The following PMFBP1 variants were observed in gnomAD, a reference collection of about 807,000 sequenced individuals.
PMFBP1 encodes the protein polyamine-modulated factor 1-binding protein 1.
In PMFBP1, 131 loss-of-function variants were observed where a neutral mutation model predicts 137.8. That is an observed-to-expected ratio of 0.95 (90% CI 0.82 to 1.10). The LOEUF (loss-of-function observed/expected upper bound fraction) is 1.10, where lower values mean the gene tolerates loss of function less well. Among genes scored for constraint, PMFBP1 ranks in the 50% least tolerant of loss-of-function variants. PMFBP1 has a pLI of 0.00. For synonymous variants in PMFBP1, 490 were observed against 450.4 expected (o/e 1.09, Z -1.11); for missense variants, 1,199 against 1,175.4 (o/e 1.02, Z -0.29).
Position 72,132,975 on chromosome 16 carries a change from T to A in PMFBP1, c.1220A>T (p.Asp407Val). ...CTTCTCCAGCTCTTGCAGCATCTCA[T>A]CTTTCTCTTGGAGGAACTGAAGACA... ...LKKDKFLQEK[D>V]EMLQELEKKL... The change falls in exon 10 of 21, where the codon GAT (aspartate) becomes GTT (valine). Residue 407 changes from aspartate (D) to valine (V), a missense_variant. Coordinates refer to ENST00000237353, the MANE Select transcript of PMFBP1 (RefSeq NM_031293.3). The A allele has an allele frequency of 6.2e-7, 1 of 1,614,100 alleles. No individual in the cohort carries two copies. Among genetic ancestry groups the A allele is most frequent in the Admixed American group, 1.7e-5 (1 of 60,012 alleles).
chr16:72,244,999 A>G, the PMFBP1 span, among the ~76,000 whole-genome samples: 1 of 152,122 alleles, frequency 6.6e-6, no homozygotes, highest in East Asian at 1.9e-4. Context: ...GAGTCGGGCA[A>G]CTGACTTGGG....
chr16:72,212,113 G>A, the PMFBP1 span, among the ~76,000 whole-genome samples: 1 of 151,748 alleles, frequency 6.6e-6, no homozygotes, highest in African/African-American at 2.4e-5. Flanking sequence ...GCAAACAAGT[G>A]AGAAAGCAGG....
At chr16:72,129,511 C>T (rs928478296) in intron 12 of PMFBP1, among the ~76,000 whole-genome samples, 3 of 152,090 alleles carry the variant, frequency 2.0e-5, no homozygotes, top group African/African-American at 7.2e-5. Context: ...AGGAAGATTC[C>T]AAATCTTTAT....
At chr16:72,130,008 T>G (rs554396300) in intron 12 of PMFBP1, among the ~76,000 whole-genome samples, 1 of 150,236 alleles carries the variant, frequency 6.7e-6, no homozygotes, top group Non-Finnish European at 1.5e-5. Flanking sequence ...CATTATGCCC[T>G]GATAATGTTT....
chr16:72,227,493 C>T, the PMFBP1 span, among the ~76,000 whole-genome samples: 1 of 151,964 alleles, frequency 6.6e-6, no homozygotes, highest in East Asian at 1.9e-4. Flanking sequence ...AACATTTTAG[C>T]ATGATTAATA....
the PMFBP1 span, among the ~76,000 whole-genome samples, chr16:72,216,362 G>A: frequency 6.6e-6 from 1 of 152,162 alleles, no homozygotes; most frequent in South Asian, 2.1e-4. Flanking sequence ...TACAGAAATG[G>A]AAGTGAAACA....
the PMFBP1 span, among the ~76,000 whole-genome samples, chr16:72,185,910 T>A: frequency 3.9e-5 from 6 of 152,154 alleles, no homozygotes; most frequent in African/African-American, 1.4e-4. Context: ...GGTGACAGAA[T>A]CAGAAGTAAG....
At chr16:72,237,878 A>G in the PMFBP1 span, among the ~76,000 whole-genome samples, 3 of 152,160 alleles carry the variant, frequency 2.0e-5, no homozygotes, top group African/African-American at 4.8e-5. Flanking sequence ...GATCCCACTT[A>G]TAAGTGAGAA....
At chr16:72,222,531 G>A in the PMFBP1 span, among the ~76,000 whole-genome samples, 1 of 152,184 alleles carries the variant, frequency 6.6e-6, no homozygotes, top group African/African-American at 2.4e-5. Context: ...CACTGCAAAT[G>A]TGAGGGTCAC....
upstream of PMFBP1, among the ~76,000 whole-genome samples, chr16:72,175,564 A>G (rs999603814): frequency 6.6e-6 from 1 of 152,176 alleles, no homozygotes; most frequent in Non-Finnish European, 1.5e-5. Flanking sequence ...CTTTTCCTTC[A>G]TGGCCTGGAT....
intron 14 of PMFBP1, among the ~76,000 whole-genome samples, chr16:72,126,463 T>C (rs1229281134): frequency 6.6e-6 from 1 of 152,230 alleles, no homozygotes; most frequent in African/African-American, 2.4e-5. Flanking sequence ...GGAATCCGAT[T>C]TGAGGTTAGT....
intron 3 of PMFBP1, among the ~76,000 whole-genome samples, chr16:72,164,081 G>T (rs970117143): frequency 2.0e-5 from 3 of 151,954 alleles, no homozygotes; most frequent in Non-Finnish European, 4.4e-5. Context: ...AAAAAAAAAG[G>T]TGTGTCATCA....
chr16:72,118,134 T>C (rs1388557551), downstream of PMFBP1, among the ~76,000 whole-genome samples: 1 of 152,246 alleles, frequency 6.6e-6, no homozygotes, highest in Non-Finnish European at 1.5e-5. Context: ...ATAAAATCCC[T>C]TTTTAGTAGA....
the PMFBP1 span, chr16:72,225,266 C>CCAAATGATGCA: frequency 6.6e-6 from 1 of 152,210 alleles, no homozygotes; most frequent in Non-Finnish European, 1.5e-5. Context: ...TCCCCACACC[C>CCAAATGATGCA]CAAATGATGC....
rs780496838 is a variant in PMFBP1, at chr16:72,128,930, C to T, written c.1950+136G>A. The T allele has an allele frequency of 9.1e-5, 137 of 1,504,808 alleles. 1 individual carries two copies. Among genetic ancestry groups the T allele is most frequent in the Non-Finnish European group, 9.5e-5 (106 of 1,113,336 alleles). 93.2% of individuals were successfully genotyped at this position (1,504,808 alleles called of 1,614,324 possible). A position where few individuals can be genotyped will look rare whatever the true frequency, so the allele number is the denominator to read the frequency against. On this transcript the variant is annotated intron_variant, in intron 13 of 20. Coordinates refer to ENST00000237353, the MANE Select transcript of PMFBP1 (RefSeq NM_031293.3). ...GCTCAGGCATTCTCGCTCCCCTCCT[C>T]GCTGGCCTTTCCCACTGTCCCTCCC...
At position 72,128,709 on chromosome 16, in the gene PMFBP1, G is replaced by A. The variant is rs762577285; in HGVS notation, c.2036C>T (p.Ser679Phe). ...CTGGCTGGTGTTGTATTTGTTGAGA[G>A]AGGATTCCAGTTGTGTAGAACAACA... ...LQCCSTQLES[S>F]LNKYNTSQQV... The change falls in exon 14 of 21, where the codon TCT (serine) becomes TTT (phenylalanine). Residue 679 changes from serine to phenylalanine, a missense_variant. Coordinates refer to ENST00000237353, the MANE Select transcript of PMFBP1 (RefSeq NM_031293.3). 1.2e-6 allele frequency: 2 copies of A among 1,614,142 alleles called. No individual in the cohort carries two copies. The highest frequency in any genetic ancestry group is 8.5e-7 in the Non-Finnish European group (1 of 1,180,002).
At chr16:72,168,535 T>C (rs2043178212) in intron 2 of PMFBP1, among the ~76,000 whole-genome samples, 1 of 152,228 alleles carries the variant, frequency 6.6e-6, no homozygotes, top group South Asian at 2.1e-4. Context: ...ATTTCATCAA[T>C]CATAGCTCTG....
the PMFBP1 span, among the ~76,000 whole-genome samples, chr16:72,192,818 C>A: frequency 6.6e-6 from 1 of 150,904 alleles, no homozygotes; most frequent in Admixed American, 6.6e-5. Flanking sequence ...AGCGGAATCG[C>A]TTGAACTCGG....
the PMFBP1 span, among the ~76,000 whole-genome samples, chr16:72,235,423 T>G: frequency 6.6e-6 from 1 of 152,130 alleles, no homozygotes; most frequent in Non-Finnish European, 1.5e-5. Flanking sequence ...TACTATAACT[T>G]TGTAGTAGTT....
Sources: gnomAD v4.1 joint callset for allele counts (sites outside exome capture counted in the v4.1 genomes callset) on GRCh38, gnomAD v4.1.1 for gene constraint, MANE v1.5 for transcripts, NCBI Gene and HGNC (gene_info 2026-07-23, HGNC 2026-07-21) for gene names.